Variants in ARID1B observed in about 807,000 individuals in gnomAD.
The protein encoded by ARID1B is AT-rich interactive domain-containing protein 1B.
In ARID1B, 30 loss-of-function variants were observed where a neutral mutation model predicts 212.3. The ratio of observed to expected loss-of-function variants is 0.14; its 90% CI spans 0.11 to 0.19. ARID1B has a LOEUF of 0.19. ARID1B is among the 10% of genes least tolerant of loss of function. The pLI is 1.00. For missense variants in ARID1B, 2,891 were observed against 3,204.0 expected, an observed-to-expected ratio of 0.90 and a Z score of 2.36; for synonymous variants, 1,402 against 1,301.7, an observed-to-expected ratio of 1.08 and a Z score of -1.66.
chr6:156,787,571 AC>A (rs1280349500), intron 1 of ARID1B, among the ~76,000 whole-genome samples: 1 of 152,140 alleles, frequency 6.6e-6, no homozygotes, highest in Non-Finnish European at 1.5e-5. Flanking sequence ...CAAGCTACAC[AC>A]CCATTTTAAT....
chr6:157,174,830 T>G lies in ARID1B; in HGVS notation c.3346-17T>G. ...CCTACCTTTGTCATTTTTTTTTTTT[T>G]TATTCCTCTACCACAGGATAGCTAC... On this transcript the variant is annotated splice_polypyrimidine_tract_variant and intron_variant, in intron 10 of 19. Transcript: ENST00000636930. 6.8e-7 allele frequency: 1 copy of G among 1,475,922 alleles called. No individual in the cohort carries two copies. Among genetic ancestry groups the G allele is most frequent in the Non-Finnish European group, 9.0e-7 (1 of 1,112,032 alleles). The allele number at this position is 1,475,922 out of a possible 1,614,324, so 91.4% of individuals were successfully genotyped here. A position where few individuals can be genotyped will look rare whatever the true frequency, so the allele number is the denominator to read the frequency against.
intron 4 of ARID1B, among the ~76,000 whole-genome samples, chr6:156,967,778 T>C (rs752269578): frequency 2.6e-4 from 40 of 152,368 alleles, no homozygotes; most frequent in Non-Finnish European, 5.1e-4. Flanking sequence ...CGTAGACTTA[T>C]ATTTGAAACA....
At chr6:156,897,223 T>TGCTTCTTCC in intron 2 of ARID1B, among the ~76,000 whole-genome samples, 1 of 60,214 alleles carries the variant, frequency 1.7e-5, no homozygotes, top group African/African-American at 5.7e-5. Context: ...CTGCTGCTTC[T>TGCTTCTTCC]TCTTCTTCTT....
At chr6:157,004,318 C>T (rs911327591) in intron 4 of ARID1B, among the ~76,000 whole-genome samples, 2 of 152,018 alleles carry the variant, frequency 1.3e-5, no homozygotes, top group African/African-American at 4.8e-5. Context: ...AACTTGAACT[C>T]TAATACTGCC....
At chr6:156,897,290 T>TCTTCTTCTTCTTC (rs1788555917) in intron 2 of ARID1B, among the ~76,000 whole-genome samples, 3 of 148,650 alleles carry the variant, frequency 2.0e-5, no homozygotes, top group Non-Finnish European at 3.0e-5. Flanking sequence ...TTATTATTAT[T>TCTTCTTCTTCTTC]TGAGACAGAG....
chr6:156,892,337 G>C (rs546341893), intron 2 of ARID1B, among the ~76,000 whole-genome samples: 1 of 151,810 alleles, frequency 6.6e-6, no homozygotes, highest in African/African-American at 2.4e-5. Context: ...GTAATATTTT[G>C]GATTATGTAA....
intron 4 of ARID1B, among the ~76,000 whole-genome samples, chr6:156,963,916 C>G (rs1347321146): frequency 1.3e-5 from 2 of 152,222 alleles, no homozygotes; most frequent in Non-Finnish European, 2.9e-5. Flanking sequence ...ATTCTGGAAA[C>G]GGTTTTCTGT....
At chr6:156,797,937 A>G (rs565699585) in intron 1 of ARID1B, among the ~76,000 whole-genome samples, 9 of 152,224 alleles carry the variant, frequency 5.9e-5, no homozygotes, top group Non-Finnish European at 1.3e-4. Context: ...AGAGTTCCAC[A>G]GGGGGCAGGA....
At chr6:157,202,167 G>T (rs1794157962) in intron 18 of ARID1B, among the ~76,000 whole-genome samples, 1 of 152,192 alleles carries the variant, frequency 6.6e-6, no homozygotes, top group Non-Finnish European at 1.5e-5. Context: ...CAAGAACCAT[G>T]TCAATCGAAT....
chr6:157,091,471 T>C (rs1785279269), intron 5 of ARID1B, among the ~76,000 whole-genome samples: 1 of 152,194 alleles, frequency 6.6e-6, no homozygotes, highest in Non-Finnish European at 1.5e-5. Context: ...AAACTAATTT[T>C]CTTGCTTAAT....
intron 1 of ARID1B, among the ~76,000 whole-genome samples, chr6:156,812,129 A>ATC (rs898995168): frequency 7.9e-5 from 12 of 151,548 alleles, no homozygotes; most frequent in South Asian, 2.1e-4. Context: ...ATATTTCTGC[A>ATC]TCTCTCTCTC....
chr6:157,101,468 C>A (rs904847957), intron 5 of ARID1B, among the ~76,000 whole-genome samples: 3 of 152,182 alleles, frequency 2.0e-5, no homozygotes, highest in Non-Finnish European at 4.4e-5. Flanking sequence ...GGCCCAAGTA[C>A]TTGCCACTAA....
At chr6:157,003,715 G>C (rs1337369531) in intron 4 of ARID1B, among the ~76,000 whole-genome samples, 1 of 152,110 alleles carries the variant, frequency 6.6e-6, no homozygotes, top group East Asian at 1.9e-4. Flanking sequence ...AAGAGTTAGG[G>C]TCTTGCTCTG....
chr6:157,181,568 G>T (rs935145913), intron 12 of ARID1B, among the ~76,000 whole-genome samples: 1 of 152,228 alleles, frequency 6.6e-6, no homozygotes, highest in Non-Finnish European at 1.5e-5. Flanking sequence ...CACATTTACT[G>T]CTTCCCTCTA....
At chr6:157,168,109 T>G (rs1388781418) in intron 9 of ARID1B, 5 of 152,238 alleles carry the variant, frequency 3.3e-5, no homozygotes, top group Non-Finnish European at 2.9e-5. Context: ...TTTTCATTTC[T>G]TCTGCCTTCC....
chr6:157,123,664 G>A (rs78198935), intron 6 of ARID1B, among the ~76,000 whole-genome samples: 6,791 of 152,346 alleles, frequency 0.045, 220 homozygotes, highest in Non-Finnish European at 0.072. Flanking sequence ...GGTTTGTAGG[G>A]AAACCTGGCA....
chr6:156,854,650 T>C (rs1049410915), intron 2 of ARID1B, among the ~76,000 whole-genome samples: 1 of 152,248 alleles, frequency 6.6e-6, no homozygotes, highest in Non-Finnish European at 1.5e-5. Context: ...ACCGTCGCGG[T>C]GTGCCCCCGC....
At chr6:157,020,145 T>G (rs985572800) in intron 4 of ARID1B, among the ~76,000 whole-genome samples, 1 of 152,124 alleles carries the variant, frequency 6.6e-6, no homozygotes, top group Non-Finnish European at 1.5e-5. Context: ...ACAAGCAAAT[T>G]TGCCGTTCAG....
intron 1 of ARID1B, among the ~76,000 whole-genome samples, chr6:156,810,742 G>A (rs1022766051): frequency 1.3e-5 from 2 of 152,184 alleles, no homozygotes; most frequent in East Asian, 3.8e-4. Flanking sequence ...CAGGCTTCTG[G>A]AGAATGTGAG....
Sources: gnomAD v4.1 joint callset for allele counts (sites outside exome capture counted in the v4.1 genomes callset) on GRCh38, gnomAD v4.1.1 for gene constraint, MANE v1.5 for transcripts, NCBI Gene and HGNC (gene_info 2026-07-23, HGNC 2026-07-21) for gene names.